Variants in CCDC30 observed in about 807,000 individuals in gnomAD.
The protein encoded by CCDC30 is coiled-coil domain-containing protein 30.
In CCDC30, 70 loss-of-function variants were observed where a neutral mutation model predicts 100.2. The observed-to-expected ratio is 0.70, with a 90% CI of 0.58 to 0.85. The LOEUF is 0.85. CCDC30 is among the 40% of genes least tolerant of loss of function. The pLI is 0.00. For missense variants in CCDC30, 652 were observed against 771.2 expected, an observed-to-expected ratio of 0.85 and a Z score of 1.83; for synonymous variants, 233 against 269.5, an observed-to-expected ratio of 0.86 and a Z score of 1.33.
chr1:42,643,223 A>G (rs570713835), intron 13 of CCDC30, among the ~76,000 whole-genome samples: 1 of 152,302 alleles, frequency 6.6e-6, no homozygotes, highest in South Asian at 2.1e-4. Flanking sequence ...CCTGACACCA[A>G]TCCCAGGAGA....
intron 11 of CCDC30, among the ~76,000 whole-genome samples, chr1:42,628,252 T>C (rs191331586): frequency 4.7e-4 from 71 of 152,286 alleles, no homozygotes; most frequent in South Asian, 1.2e-3. Context: ...ATTTCTCCCA[T>C]TTGGAATGCT....
intron 6 of CCDC30, among the ~76,000 whole-genome samples, chr1:42,544,148 C>T (rs867458266): frequency 3.3e-5 from 5 of 152,220 alleles, no homozygotes; most frequent in Non-Finnish European, 5.9e-5. Flanking sequence ...CCACCTCAGC[C>T]TCCCAAAGTG....
At chr1:42,472,965 T>C (rs1030983178) in intron 1 of CCDC30, among the ~76,000 whole-genome samples, 5 of 152,182 alleles carry the variant, frequency 3.3e-5, no homozygotes, top group Admixed American at 3.3e-4. Context: ...TACATAAGTG[T>C]GATGAAGGTT....
downstream of CCDC30, among the ~76,000 whole-genome samples, chr1:42,657,014 A>T (rs945985761): frequency 3.3e-5 from 5 of 152,026 alleles, no homozygotes; most frequent in Non-Finnish European, 5.9e-5. Flanking sequence ...CTTCTTTTTC[A>T]GTTGGAGGAG....
chr1:42,544,924 A>C (rs1645091786), intron 6 of CCDC30, among the ~76,000 whole-genome samples: 1 of 152,164 alleles, frequency 6.6e-6, no homozygotes, highest in South Asian at 2.1e-4. Context: ...TAGATATAGA[A>C]GATATCTCCG....
intron 4 of CCDC30, among the ~76,000 whole-genome samples, chr1:42,490,621 T>C (rs1187913547): frequency 6.6e-6 from 1 of 152,026 alleles, no homozygotes; most frequent in Admixed American, 6.6e-5. Context: ...GCACTTCACA[T>C]GCGTTATCTC....
intron 11 of CCDC30, among the ~76,000 whole-genome samples, chr1:42,634,308 T>C (rs376432398): frequency 2.0e-5 from 3 of 150,386 alleles, no homozygotes; most frequent in Admixed American, 6.6e-5. Flanking sequence ...CAAAGGGACA[T>C]TTGGCAATGT....
At chr1:42,536,734 G>T in intron 6 of CCDC30, 133 bp downstream of exon 7, 1 of 644,916 alleles carries the variant, frequency 1.6e-6, no homozygotes, top group Non-Finnish European at 2.7e-6. Context: ...AGACTAGGTG[G>T]CTCAAAGAAC....
intron 9 of CCDC30, among the ~76,000 whole-genome samples, chr1:42,586,733 T>A (rs1002300494): frequency 1.6e-4 from 24 of 151,786 alleles, no homozygotes; most frequent in Admixed American, 2.0e-4. Flanking sequence ...ACAGAAAAAA[T>A]ATATATATAA....
chr1:42,461,423 A>T (rs1643406921), upstream of CCDC30, among the ~76,000 whole-genome samples: 2 of 151,754 alleles, frequency 1.3e-5, no homozygotes, highest in South Asian at 4.2e-4. Context: ...GTAATCTTGA[A>T]CTCCTGGACT....
chr1:42,578,315 T>C (rs1645885843), intron 8 of CCDC30, among the ~76,000 whole-genome samples: 1 of 152,116 alleles, frequency 6.6e-6, no homozygotes, highest in Non-Finnish European at 1.5e-5. Flanking sequence ...AGTTCAAGAA[T>C]AGATAAAACT....
intron 6 of CCDC30, among the ~76,000 whole-genome samples, chr1:42,564,089 C>G (rs868598327): frequency 6.6e-6 from 1 of 152,012 alleles, no homozygotes; most frequent in Non-Finnish European, 1.5e-5. Context: ...ATGACATGGG[C>G]TTTTTAGAAA....
intron 10 of CCDC30, among the ~76,000 whole-genome samples, chr1:42,601,507 C>A (rs572325202): frequency 8.7e-4 from 133 of 152,302 alleles, no homozygotes; most frequent in Non-Finnish European, 1.5e-3. Flanking sequence ...CCCTAGCTAA[C>A]CTTCCCACAT....
At chr1:42,522,642 C>T (rs910466881) in intron 6 of CCDC30, among the ~76,000 whole-genome samples, 6 of 152,196 alleles carry the variant, frequency 3.9e-5, no homozygotes, top group Non-Finnish European at 7.3e-5. Context: ...ATCACTATCC[C>T]TTTCAGTTTT....
chr1:42,540,633 T>A (rs1644992983), intron 6 of CCDC30, among the ~76,000 whole-genome samples: 1 of 148,406 alleles, frequency 6.7e-6, no homozygotes, highest in Admixed American at 6.7e-5. Context: ...TACCTTATCA[T>A]TGTCTCTCTT....
In CCDC30 at chr1:42,653,493, C is replaced by T. The variant is rs772140873; in HGVS notation, c.1922+50C>T. On this transcript the variant is annotated intron_variant, in intron 16 of 16. Coordinates refer to ENST00000668663, the Ensembl canonical transcript of CCDC30. ...GTCAAGTCTATCTGAGATGGACTGT[C>T]AGCCATGCCTGAGAGTCATGGCTGC... 14 of 1,195,798 alleles carry T rather than the reference C, an allele frequency of 1.2e-5. No individual in the cohort carries two copies. The Middle Eastern group carries it at 7.7e-4, about 66-fold the overall frequency. 74.1% of individuals were successfully genotyped at this position (1,195,798 alleles called of 1,614,324 possible).
chr1:42,459,986 C>CA (rs199853153), upstream of CCDC30: 1,799 of 1,503,774 alleles, frequency 1.2e-3, 19 homozygotes, highest in African/African-American at 0.022. Flanking sequence ...GTGAAAACTA[C>CA]AAAAAAAACC....
At chr1:42,577,359 G>T in intron 8 of CCDC30, 130 bp downstream of exon 12, 2 of 659,668 alleles carry the variant, frequency 3.0e-6, no homozygotes, top group South Asian at 2.1e-5. Flanking sequence ...TCTCTCCCAT[G>T]TTTTCTTCTG....
intron 11 of CCDC30, among the ~76,000 whole-genome samples, chr1:42,633,311 ACTGCT>A (rs1339574083): frequency 1.3e-5 from 2 of 152,126 alleles, no homozygotes; most frequent in East Asian, 3.8e-4. Flanking sequence ...CATAGCTCAG[ACTGCT>A]CTGAGCTATT....
Sources: allele counts gnomAD v4.1 joint callset (sites outside exome capture counted in the v4.1 genomes callset), GRCh38; gene constraint gnomAD v4.1.1; transcripts MANE v1.5; gene names NCBI Gene and HGNC (gene_info 2026-07-23, HGNC 2026-07-21).